HS3ST4: variants seen among roughly 807,000 people sequenced by gnomAD.
HS3ST4 encodes the protein heparan sulfate glucosamine 3-O-sulfotransferase 4.
Under a neutral mutation model 29.2 loss-of-function variants are expected in HS3ST4, and 17 were observed. The ratio of observed to expected loss-of-function variants is 0.58; its 90% CI spans 0.40 to 0.87. The LOEUF (loss-of-function observed/expected upper bound fraction) is 0.87. Ranked by LOEUF, HS3ST4 falls within the 40% of genes least tolerant of loss-of-function variation. The pLI is 0.00. For synonymous variants in HS3ST4, 314 were observed against 285.7 expected (o/e 1.10, Z -1.00); for missense variants, 627 against 634.5 (o/e 0.99, Z 0.13).
chr16:25,888,446 C>A (rs1269304836), intron 1 of HS3ST4, among the ~76,000 whole-genome samples: 1 of 152,148 alleles, frequency 6.6e-6, no homozygotes, highest in East Asian at 1.9e-4. Flanking sequence ...CAGGTTGCAT[C>A]CTTTCTCCGC....
intron 1 of HS3ST4, among the ~76,000 whole-genome samples, chr16:25,733,062 C>G (rs1966582239): frequency 6.6e-6 from 1 of 152,168 alleles, no homozygotes; most frequent in Admixed American, 6.5e-5. Flanking sequence ...TCTCTGAGGT[C>G]CATCTAATGT....
intron 1 of HS3ST4, among the ~76,000 whole-genome samples, chr16:25,694,738 A>G (rs931015569): frequency 6.6e-6 from 1 of 151,484 alleles, no homozygotes. Context: ...TCTTCTGTGG[A>G]GTAGCTTTGG....
intron 1 of HS3ST4, among the ~76,000 whole-genome samples, chr16:25,726,958 C>G (rs775200345): frequency 6.6e-6 from 1 of 152,084 alleles, no homozygotes; most frequent in East Asian, 1.9e-4. Context: ...TTCACTGATT[C>G]TCAGAAGGGG....
At chr16:26,050,482 T>A (rs1034221786) in intron 1 of HS3ST4, among the ~76,000 whole-genome samples, 1 of 152,170 alleles carries the variant, frequency 6.6e-6, no homozygotes, top group South Asian at 2.1e-4. Flanking sequence ...ATGGCATGAA[T>A]TCATGTTTCT....
chr16:26,024,586 G>A (rs753271705), intron 1 of HS3ST4, among the ~76,000 whole-genome samples: 1 of 151,734 alleles, frequency 6.6e-6, no homozygotes, highest in Non-Finnish European at 1.5e-5. Flanking sequence ...ACAAAAACTA[G>A]CAGGGCATGG....
intron 1 of HS3ST4, 117 bp from the exon 2 acceptor site, chr16:26,135,495 A>G: frequency 1.0e-6 from 1 of 988,656 alleles, no homozygotes. Flanking sequence ...GCAAGAGTTT[A>G]TCAATTTTAT....
intron 1 of HS3ST4, among the ~76,000 whole-genome samples, chr16:25,720,083 G>T (rs1306516486): frequency 1.3e-5 from 2 of 152,138 alleles, no homozygotes; most frequent in African/African-American, 4.8e-5. Flanking sequence ...GGAAAATAAG[G>T]CACAGGAGAG....
chr16:26,111,933 C>T (rs982497414), intron 1 of HS3ST4, among the ~76,000 whole-genome samples: 11 of 151,578 alleles, frequency 7.3e-5, no homozygotes, highest in Admixed American at 5.9e-4. Flanking sequence ...AGGAGAATCT[C>T]CTGAACCCGG....
intron 1 of HS3ST4, among the ~76,000 whole-genome samples, chr16:26,070,437 G>T (rs4787811): frequency 0.29 from 44,339 of 152,020 alleles, 6,713 homozygotes; most frequent in African/African-American, 0.35. Flanking sequence ...TGAAATCCTG[G>T]GAGCATAGCC....
At chr16:25,945,110 G>C (rs1360848409) in intron 1 of HS3ST4, among the ~76,000 whole-genome samples, 1 of 152,102 alleles carries the variant, frequency 6.6e-6, no homozygotes, top group Non-Finnish European at 1.5e-5. Flanking sequence ...GATGACTGCT[G>C]TTAACCATTT....
intron 1 of HS3ST4, among the ~76,000 whole-genome samples, chr16:25,770,149 G>A (rs760690961): frequency 6.6e-6 from 1 of 152,048 alleles, no homozygotes; most frequent in Non-Finnish European, 1.5e-5. Context: ...CCTCCCACTC[G>A]GTGAATATAT....
At chr16:26,039,315 A>G (rs549303248) in intron 1 of HS3ST4, among the ~76,000 whole-genome samples, 2 of 152,340 alleles carry the variant, frequency 1.3e-5, no homozygotes, top group South Asian at 4.1e-4. Context: ...GAATTTACAT[A>G]CATATATAGA....
At chr16:26,085,699 T>C (rs1898778323) in intron 1 of HS3ST4, among the ~76,000 whole-genome samples, 1 of 151,902 alleles carries the variant, frequency 6.6e-6, no homozygotes. Context: ...AGCGAGACCC[T>C]GTCTCTACAA....
chr16:25,756,154 G>GCACA (rs71997199), intron 1 of HS3ST4, among the ~76,000 whole-genome samples: 57 of 132,708 alleles, frequency 4.3e-4, no homozygotes, highest in Admixed American at 9.5e-4. Flanking sequence ...ACACACACAC[G>GCACA]CACACACACA....
At chr16:25,918,367 T>A (rs1426452334) in intron 1 of HS3ST4, among the ~76,000 whole-genome samples, 1 of 152,194 alleles carries the variant, frequency 6.6e-6, no homozygotes, top group Non-Finnish European at 1.5e-5. Context: ...ATAATTCATG[T>A]GTGCTGGGCA....
chr16:26,012,327 T>G (rs1969318305), intron 1 of HS3ST4, among the ~76,000 whole-genome samples: 1 of 152,128 alleles, frequency 6.6e-6, no homozygotes, highest in Non-Finnish European at 1.5e-5. Flanking sequence ...AAGGGAAGGT[T>G]TGTCCCTCAA....
chr16:26,107,791 G>T (rs1899076733), intron 1 of HS3ST4, among the ~76,000 whole-genome samples: 1 of 152,136 alleles, frequency 6.6e-6, no homozygotes, highest in South Asian at 2.1e-4. Context: ...TCACTCATCG[G>T]TTGATAGGCT....
At chr16:26,123,105 G>GAGC (rs1899298624) in intron 1 of HS3ST4, among the ~76,000 whole-genome samples, 1 of 151,386 alleles carries the variant, frequency 6.6e-6, no homozygotes, top group South Asian at 2.1e-4. Context: ...TTTGTCTACA[G>GAGC]AGCAGATGGG....
chr16:25,942,105 T>C (rs923848401), intron 1 of HS3ST4, among the ~76,000 whole-genome samples: 2 of 152,160 alleles, frequency 1.3e-5, no homozygotes, highest in Admixed American at 6.5e-5. Flanking sequence ...CTCGCATCAC[T>C]TGGTCCTGGG....
Sources: gnomAD v4.1 joint callset for allele counts (sites outside exome capture counted in the v4.1 genomes callset) on GRCh38, gnomAD v4.1.1 for gene constraint, MANE v1.5 for transcripts, NCBI Gene and HGNC (gene_info 2026-07-23, HGNC 2026-07-21) for gene names.